Variants in EXOC6 observed in about 807,000 individuals in gnomAD.
The protein encoded by EXOC6 is SEC15-like 1.
EXOC6 carries 60 observed loss-of-function variants against 112.5 expected under a neutral mutation model. The observed-to-expected ratio is 0.53, with a 90% CI of 0.43 to 0.66. The LOEUF (loss-of-function observed/expected upper bound fraction) is 0.66. EXOC6 is among the 30% of genes least tolerant of loss of function. EXOC6 has a pLI of 0.00. For missense variants in EXOC6, 855 were observed against 957.1 expected (o/e 0.89, Z 1.41); for synonymous variants, 295 against 308.0 (o/e 0.96, Z 0.44).
At chr10:92,935,304 A>G (rs1401245414) in intron 11 of EXOC6, among the ~76,000 whole-genome samples, 2 of 151,994 alleles carry the variant, frequency 1.3e-5, no homozygotes, top group Non-Finnish European at 2.9e-5. Flanking sequence ...TGTTAATTCC[A>G]TGATACCAAA....
chr10:92,864,289 ACATATTT>A (rs1307277126), intron 1 of EXOC6, among the ~76,000 whole-genome samples: 1 of 152,218 alleles, frequency 6.6e-6, no homozygotes, highest in Non-Finnish European at 1.5e-5. Context: ...TAAGTTTGTA[ACATATTT>A]CATAACTGGT....
In EXOC6 at chr10:93,058,429, TAC is replaced by T; in HGVS notation, c.*76_*77del. ...GATCTTGAGCAAGTATTGGTCATGA[TAC>T]AGTAATTTGTTTACAGAATCCAAAA... On this transcript the variant is annotated 3_prime_UTR_variant, in exon 22 of 22. Coordinates refer to ENST00000260762, the MANE Select transcript of EXOC6 (RefSeq NM_019053.6). 7.5e-7 allele frequency: 1 copy of T among 1,331,056 alleles called. No individual in the cohort carries two copies. The allele number at this position is 1,331,056 out of a possible 1,614,324, so 82.5% of individuals were successfully genotyped here.
Position 93,057,014 on chromosome 10 carries a change from A to G in EXOC6, c.2260A>G (p.Thr754Ala). The G allele has an allele frequency of 6.3e-7, 1 of 1,583,506 alleles. No homozygotes were observed. The highest frequency in any genetic ancestry group is 8.6e-7 in the Non-Finnish European group (1 of 1,169,204). ...TAAGTACCTTCGGGTGAATCCAAACACAGCCCTTACTCTTTTGGAGAAGTG... is the reference window on the plus strand; with the variant it reads ...TAAGTACCTTCGGGTGAATCCAAACGCAGCCCTTACTCTTTTGGAGAAGTG... Reference protein sequence around the residue: ...ASKYLRVNPNTALTLLEKMKD... With the variant: ...ASKYLRVNPNAALTLLEKMKD... The change falls in exon 21 of 22, where the codon ACA (threonine) becomes GCA (alanine). Residue 754 changes from threonine to alanine, a missense_variant. Thr to Ala is a moderately conservative substitution (Grantham distance 58, BLOSUM62 0). Transcript: ENST00000260762.
intron 1 of EXOC6, among the ~76,000 whole-genome samples, chr10:92,884,842 T>C (rs1214434891): frequency 6.6e-6 from 1 of 152,026 alleles, no homozygotes; most frequent in East Asian, 1.9e-4. Context: ...CAATAATACA[T>C]CGTGAATGTT....
At chr10:92,930,642 C>T (rs7893270) in intron 9 of EXOC6, among the ~76,000 whole-genome samples, 1 of 151,930 alleles carries the variant, frequency 6.6e-6, no homozygotes, top group Non-Finnish European at 1.5e-5. Flanking sequence ...AGGGGATCAT[C>T]GACCTAAATG....
chr10:92,923,153 A>G (rs1472648476), intron 8 of EXOC6, among the ~76,000 whole-genome samples: 1 of 152,180 alleles, frequency 6.6e-6, no homozygotes, highest in African/African-American at 2.4e-5. Context: ...TTAGGACAAC[A>G]CTGAGGTATA....
rs764959610 is a variant in EXOC6, at chr10:92,909,597, A to G, written c.629A>G (p.His210Arg). ...LKDFLESIRK[H>R]SDKIGETAMK... ...GACTTTTTGGAAAGTATTCGAAAAC[A>G]TTCTGACAAAATAGGTGAAACAGCA... Residue 210 changes from histidine (H) to arginine (R), a missense_variant, in exon 6 of 22, where the codon CAT (histidine) becomes CGT (arginine). Physicochemically the swap from His to Arg is conservative, Grantham distance 29 (BLOSUM62 0). Around this residue, in one of 2 missense-constraint regions of EXOC6, gnomAD observed 405 missense variants for 393.6 expected, o/e 1.03. Coordinates refer to ENST00000260762, the MANE Select transcript of EXOC6 (RefSeq NM_019053.6). The G allele has an allele frequency of 6.2e-7, 1 of 1,611,920 alleles. No homozygotes were observed. Among genetic ancestry groups the G allele is most frequent in the Non-Finnish European group, 8.5e-7 (1 of 1,178,710 alleles).
chr10:93,016,897 C>T (rs1022641191), intron 20 of EXOC6, among the ~76,000 whole-genome samples: 1 of 151,734 alleles, frequency 6.6e-6, no homozygotes, highest in Non-Finnish European at 1.5e-5. Context: ...ACTGCAAACT[C>T]CGCCTCCTGG....
intron 15 of EXOC6, 23 bp downstream of exon 15, chr10:92,952,405 C>A: frequency 7.5e-7 from 1 of 1,337,764 alleles, no homozygotes; most frequent in Non-Finnish European, 1.1e-6. Context: ...ATCACAAATG[C>A]ATTTTTGTCA....
At chr10:92,837,097 A>AACAC (rs58871930) in intron 1 of EXOC6, among the ~76,000 whole-genome samples, 36,514 of 139,536 alleles carry the variant, frequency 0.26, 4,805 homozygotes, top group Non-Finnish European at 0.28. Context: ...GTTATAACAT[A>AACAC]ACACACACAC....
chr10:92,923,858 AC>A (rs34450223), intron 8 of EXOC6, among the ~76,000 whole-genome samples: 1 of 152,126 alleles, frequency 6.6e-6, no homozygotes, highest in Non-Finnish European at 1.5e-5. Flanking sequence ...TGAAAATCAT[AC>A]CCTTCACTGA....
At chr10:92,887,555 A>G (rs2133792804) in intron 1 of EXOC6, among the ~76,000 whole-genome samples, 1 of 151,478 alleles carries the variant, frequency 6.6e-6, no homozygotes, top group African/African-American at 2.4e-5. Context: ...GCCCGCCACC[A>G]CACCCAGCTA....
rs753270294 is a variant in EXOC6 at position 92,954,610 on chromosome 10, A to G, written c.1527-20A>G. On this transcript the variant is annotated intron_variant, in intron 15 of 21. Coordinates refer to ENST00000260762, the MANE Select transcript of EXOC6 (RefSeq NM_019053.6). Reference sequence around the variant, plus strand: ...CATTCATTATTTATTAAGTTTAATAATATCAATCTTTGTTTTTAGCTCAAC... The same window carrying G: ...CATTCATTATTTATTAAGTTTAATAGTATCAATCTTTGTTTTTAGCTCAAC... The G allele has an allele frequency of 2.5e-6, 3 of 1,207,436 alleles. No homozygotes were observed. The highest frequency in any genetic ancestry group is 3.6e-6 in the Non-Finnish European group (3 of 823,640). The allele number at this position is 1,207,436 out of a possible 1,614,324, so 74.8% of individuals were successfully genotyped here. A position where few individuals can be genotyped will look rare whatever the true frequency, so the allele number is the denominator to read the frequency against.
At chr10:92,943,062 C>T (rs1852759510) in intron 13 of EXOC6, among the ~76,000 whole-genome samples, 1 of 151,196 alleles carries the variant, frequency 6.6e-6, no homozygotes, top group African/African-American at 2.4e-5. Context: ...TGCACTGTCA[C>T]CTGTGCTGGA....
At chr10:92,850,041 C>A (rs754970868) in intron 1 of EXOC6, among the ~76,000 whole-genome samples, 11 of 152,078 alleles carry the variant, frequency 7.2e-5, no homozygotes, top group Non-Finnish European at 1.5e-4. Context: ...AAACTGTATA[C>A]TTGGTAATGA....
At chr10:92,951,228 T>A (rs1481520393) in intron 14 of EXOC6, among the ~76,000 whole-genome samples, 1 of 152,210 alleles carries the variant, frequency 6.6e-6, no homozygotes, top group Non-Finnish European at 1.5e-5. Context: ...GAGTTGTAGA[T>A]TTGGAGATAT....
chr10:92,902,802 T>C (rs984402393), intron 5 of EXOC6, among the ~76,000 whole-genome samples: 1 of 152,202 alleles, frequency 6.6e-6, no homozygotes, highest in African/African-American at 2.4e-5. Flanking sequence ...CACTTTCTGA[T>C]TTTTAACATC....
intron 1 of EXOC6, among the ~76,000 whole-genome samples, chr10:92,878,716 C>T (rs529321956): frequency 1.4e-4 from 22 of 152,152 alleles, no homozygotes; most frequent in East Asian, 9.7e-4. Context: ...TGGTGGGTGG[C>T]GGGGAGAGCC....
chr10:92,949,030 A>G (rs1367255327), intron 14 of EXOC6, among the ~76,000 whole-genome samples: 2 of 152,210 alleles, frequency 1.3e-5, no homozygotes, highest in East Asian at 1.9e-4. Context: ...ACGTGCAAAC[A>G]TGCACCCTTG....
Sources: gnomAD v4.1 joint callset for allele counts (sites outside exome capture counted in the v4.1 genomes callset) on GRCh38, gnomAD v4.1.1 for gene constraint, gnomAD v4.1.1 regional missense constraint, MANE v1.5 for transcripts, NCBI Gene and HGNC (gene_info 2026-07-23, HGNC 2026-07-21) for gene names.